The following LRCH1 variants were observed in gnomAD, a reference collection of about 807,000 sequenced individuals.
LRCH1 encodes leucine rich repeats and calponin homology domain containing 1, also known as leucine-rich repeat and calponin homology domain-containing protein 1.
LRCH1 carries 23 observed loss-of-function variants against 94.9 expected under a neutral mutation model. That is an observed-to-expected ratio of 0.24 (90% CI 0.17 to 0.34). The LOEUF (loss-of-function observed/expected upper bound fraction) is 0.34. Among genes scored for constraint, LRCH1 ranks in the 10% least tolerant of loss-of-function variants. The pLI, the probability that LRCH1 is intolerant of heterozygous loss-of-function variation, is 1.00. For synonymous variants in LRCH1, 364 were observed against 354.9 expected (o/e 1.03, Z -0.29); for missense variants, 790 against 945.9 (o/e 0.84, Z 2.16).
chr13:46,703,154 G>A (rs767837132), intron 11 of LRCH1, among the ~76,000 whole-genome samples: 43 of 152,188 alleles, frequency 2.8e-4, no homozygotes, highest in Middle Eastern at 3.2e-3. Context: ...GTGTGTTTAC[G>A]TGTATCCATG....
At chr13:46,699,049 A>G (rs1156243042) in intron 9 of LRCH1, among the ~76,000 whole-genome samples, 1 of 152,182 alleles carries the variant, frequency 6.6e-6, no homozygotes, top group Non-Finnish European at 1.5e-5. Flanking sequence ...TAATCAGTAC[A>G]GTATTTGTAT....
intron 1 of LRCH1, among the ~76,000 whole-genome samples, chr13:46,558,570 T>TCCAAAAAAAAAAAAAAAAAAAA (rs1346600054): frequency 2.1e-4 from 2 of 9,314 alleles, no homozygotes; most frequent in Non-Finnish European, 3.2e-4. Context: ...ACCCTGTGTC[T>TCCAAAAAAAAAAAAAAAAAAAA]ACAAAAAAAA....
chr13:46,720,725 G>C (rs1437344304), intron 16 of LRCH1, among the ~76,000 whole-genome samples: 1 of 152,094 alleles, frequency 6.6e-6, no homozygotes, highest in Non-Finnish European at 1.5e-5. Context: ...TAAAAGAAAA[G>C]AAAAAACTGT....
intron 1 of LRCH1, among the ~76,000 whole-genome samples, chr13:46,558,987 C>A (rs7329974): frequency 0.024 from 3,658 of 152,278 alleles, 62 homozygotes; most frequent in East Asian, 0.057. Context: ...TGTACAGATT[C>A]AAAGGATCTT....
intron 11 of LRCH1, among the ~76,000 whole-genome samples, chr13:46,701,623 G>A (rs942904402): frequency 6.6e-6 from 1 of 152,194 alleles, no homozygotes; most frequent in Non-Finnish European, 1.5e-5. Flanking sequence ...ATGGGGTAGT[G>A]CCAAATATAT....
chr13:46,612,940 G>T (rs556424694), intron 1 of LRCH1, among the ~76,000 whole-genome samples: 1 of 152,102 alleles, frequency 6.6e-6, no homozygotes, highest in Non-Finnish European at 1.5e-5. Flanking sequence ...TGAAGTAATC[G>T]TATGTGTTCC....
Position 46,670,180 on chromosome 13 carries a change from A to G in LRCH1, c.579+1024A>G, listed in dbSNP as rs117713524. ...AGAAATTAATAATTGCTGTAGAAAG[A>G]CGTTAGAGCTATAGAAAGTGTCTTT... On this transcript the variant is annotated intron_variant, in intron 3 of 19. Coordinates refer to ENST00000389797, the MANE Select transcript of LRCH1 (RefSeq NM_001164211.2). Among the ~76,000 whole-genome samples, 643 of 152,342 alleles carry G rather than the reference A, an allele frequency of 4.2e-3. 2 individuals are homozygous for G. The highest frequency in any genetic ancestry group is 6.0e-3 in the Non-Finnish European group (408 of 68,030).
chr13:46,670,497 G>A (rs999774039), intron 3 of LRCH1, among the ~76,000 whole-genome samples: 1 of 152,330 alleles, frequency 6.6e-6, no homozygotes, highest in African/African-American at 2.4e-5. Flanking sequence ...TCAGCCCTGG[G>A]TTCTAAGTGA....
intron 1 of LRCH1, among the ~76,000 whole-genome samples, chr13:46,598,811 A>G (rs1257112593): frequency 6.6e-6 from 1 of 152,204 alleles, no homozygotes; most frequent in East Asian, 1.9e-4. Context: ...GCTCTATGGT[A>G]TAAAAACCCC....
At chr13:46,656,986 GA>G (rs1025837703) in intron 2 of LRCH1, among the ~76,000 whole-genome samples, 2 of 151,868 alleles carry the variant, frequency 1.3e-5, no homozygotes, top group African/African-American at 2.4e-5. Flanking sequence ...AGTGTGTATT[GA>G]AAAAAAGAAC....
At chr13:46,699,491 C>A in intron 10 of LRCH1, 88 bp downstream of exon 10, 1 of 1,182,562 alleles carries the variant, frequency 8.5e-7, no homozygotes, top group Non-Finnish European at 1.3e-6. Context: ...AGAATTTTGA[C>A]CTGCTTTTCT....
Position 46,743,264 on chromosome 13 carries a change from A to G in LRCH1, c.*1416A>G. 1.0e-6 allele frequency: 1 copy of G among 985,420 alleles called. No homozygotes were observed. 61.0% of individuals were successfully genotyped at this position (985,420 alleles called of 1,614,324 possible). On this transcript the variant is annotated 3_prime_UTR_variant, in exon 20 of 20. Transcript: ENST00000389797. The stretch of plus-strand genomic sequence containing the variant: ...TCATGAATCCAGGGGACTTGAAAAT[A>G]TGGAAGACCCACATAGTTAGAAGAA...
chr13:46,712,415 A>T, intron 14 of LRCH1, 110 bp from the exon 15 acceptor site: 2 of 801,490 alleles, frequency 2.5e-6, no homozygotes, highest in Admixed American at 4.6e-5. Flanking sequence ...ACAGCAGCGA[A>T]TGCAAAAAGG....
At chr13:46,694,698 GT>G (rs1195072948) in intron 8 of LRCH1, among the ~76,000 whole-genome samples, 194 bp from the exon 9 acceptor site, 1 of 152,162 alleles carries the variant, frequency 6.6e-6, no homozygotes, top group Non-Finnish European at 1.5e-5. Flanking sequence ...TTTAAGCTCA[GT>G]TTGGGGCTTT....
chr13:46,595,962 C>G (rs79718468), intron 1 of LRCH1, among the ~76,000 whole-genome samples: 2 of 151,428 alleles, frequency 1.3e-5, no homozygotes, highest in South Asian at 4.2e-4. Flanking sequence ...TTAAACACAT[C>G]GGTCATAACT....
At chr13:46,601,378 C>G (rs2050626892) in intron 1 of LRCH1, among the ~76,000 whole-genome samples, 1 of 152,126 alleles carries the variant, frequency 6.6e-6, no homozygotes, top group Admixed American at 6.5e-5. Context: ...TGTGTAAAAA[C>G]TTATGTTTGA....
chr13:46,611,137 G>A (rs914992452), intron 1 of LRCH1, among the ~76,000 whole-genome samples: 4 of 152,098 alleles, frequency 2.6e-5, no homozygotes, highest in African/African-American at 7.2e-5. Context: ...TAGTGTCCCC[G>A]GTTGGTTTTG....
intron 1 of LRCH1, among the ~76,000 whole-genome samples, chr13:46,571,873 T>C (rs925147293): frequency 1.3e-5 from 2 of 151,616 alleles, no homozygotes; most frequent in African/African-American, 4.8e-5. Flanking sequence ...ACTTGGGGTA[T>C]GTGTGTGTGA....
chr13:46,734,851 T>A (rs1330532061), intron 19 of LRCH1, among the ~76,000 whole-genome samples: 1 of 152,230 alleles, frequency 6.6e-6, no homozygotes, highest in African/African-American at 2.4e-5. Flanking sequence ...ATTTTAAAAA[T>A]ACATGCGATA....
Sources: gnomAD v4.1 joint callset for allele counts (sites outside exome capture counted in the v4.1 genomes callset) on GRCh38, gnomAD v4.1.1 for gene constraint, MANE v1.5 for transcripts, NCBI Gene and HGNC (gene_info 2026-07-23, HGNC 2026-07-21) for gene names.